Variants in SMARCC2 observed in about 807,000 individuals in gnomAD.
SMARCC2 encodes SWI/SNF related BAF chromatin remodeling complex subunit C2.
In SMARCC2, 15 loss-of-function variants were observed where a neutral mutation model predicts 151.3. That is an observed-to-expected ratio of 0.10 (90% CI 0.07 to 0.15). The LOEUF (loss-of-function observed/expected upper bound fraction) is 0.15, where lower values mean the gene tolerates loss of function less well. Among genes scored for constraint, SMARCC2 ranks in the 10% least tolerant of loss-of-function variants. SMARCC2 has a pLI of 1.00. For missense variants in SMARCC2, 1,031 were observed against 1,599.7 expected, an observed-to-expected ratio of 0.64 and a Z score of 6.06; for synonymous variants, 590 against 609.5, an observed-to-expected ratio of 0.97 and a Z score of 0.47.
chr12:56,163,819 G>GACCCAGACCACC (rs1872247933), intron 28 of SMARCC2, 54 bp from the exon 29 acceptor site: 2 of 1,204,328 alleles, frequency 1.7e-6, no homozygotes, highest in African/African-American at 3.2e-5. Flanking sequence ...GATGGCTCCA[G>GACCCAGACCACC]ACCCAGACCA....
At chr12:56,170,101 G>A (rs537188159) in intron 23 of SMARCC2, 43 bp downstream of exon 23, 21 of 1,550,348 alleles carry the variant, frequency 1.4e-5, no homozygotes, top group East Asian at 2.2e-5. Context: ...CATCACCACA[G>A]TGCTGCACGC....
In SMARCC2 at chr12:56,181,790, T is replaced by C. The variant is rs1334439261; in HGVS notation, c.754A>G (p.Met252Val). The C allele has an allele frequency of 1.2e-6, 2 of 1,614,162 alleles. No homozygotes were observed. Among genetic ancestry groups the C allele is most frequent in the Admixed American group, 1.7e-5 (1 of 60,020 alleles). ...ILDTDTFNEWMNEEDYEVNDD... is the reference protein window; with the variant it reads ...ILDTDTFNEWVNEEDYEVNDD... ...TTTACTTCATAGTCTTCCTCATTCA[T>C]CCATTCATTGAAGGTGTCGGTGTCC... The change falls in exon 9 of 29, where the codon ATG (methionine) becomes GTG (valine). Residue 252 changes from methionine (M) to valine (V), a missense_variant. This residue lies in a region of SMARCC2 where 123 missense variants were observed against 190.4 expected (regional missense o/e 0.65). Coordinates refer to ENST00000550164, the MANE Select transcript of SMARCC2 (RefSeq NM_001330288.2).
intron 11 of SMARCC2, among the ~76,000 whole-genome samples, chr12:56,179,831 C>A (rs962408263): frequency 6.6e-6 from 1 of 151,976 alleles, no homozygotes. Context: ...GGATTACAGG[C>A]GCCCACCACC....
intron 11 of SMARCC2, among the ~76,000 whole-genome samples, chr12:56,180,487 T>G (rs549747275): frequency 8.7e-5 from 13 of 149,432 alleles, no homozygotes; most frequent in African/African-American, 3.2e-4. Flanking sequence ...CCCTGCAACC[T>G]CTACCTCCCA....
intron 1 of SMARCC2, among the ~76,000 whole-genome samples, chr12:56,188,116 G>A (rs1375065578): frequency 6.6e-6 from 1 of 152,190 alleles, no homozygotes; most frequent in African/African-American, 2.4e-5. Context: ...GATCTGTGAA[G>A]GGAAAGGTAA....
At chr12:56,185,900 G>A (rs572913130) in intron 3 of SMARCC2, 58 of 507,286 alleles carry the variant, frequency 1.1e-4, no homozygotes, top group African/African-American at 1.1e-3. Flanking sequence ...ACTTCAAAGG[G>A]ACAAAAAAAG....
chr12:56,188,748 A>C (rs544292936), intron 1 of SMARCC2, among the ~76,000 whole-genome samples: 1 of 152,268 alleles, frequency 6.6e-6, no homozygotes, highest in African/African-American at 2.4e-5. Context: ...AGGAACTCCT[A>C]TACCCCGGCT....
At chr12:56,164,781 A>C (rs1233870244) in intron 27 of SMARCC2, 50 bp from the exon 28 acceptor site, 1 of 1,430,118 alleles carries the variant, frequency 7.0e-7, no homozygotes, top group African/African-American at 1.4e-5. Context: ...AATTTTGCTT[A>C]ACAACTCACC....
In SMARCC2 at chr12:56,164,611, G is replaced by A. The variant is rs1196853380; in HGVS notation, c.3353C>T (p.Pro1118Leu). Residue 1118 changes from proline (P) to leucine (L), a missense_variant, in exon 28 of 29, where the codon CCT becomes CTT. By Grantham distance (98) the Pro-to-Leu change is moderately conservative. Around this residue, in one of 12 missense-constraint regions of SMARCC2, gnomAD observed 310 missense variants for 350.0 expected, o/e 0.89. Transcript: ENST00000550164. ...APLGLPFGMPPPPPPPAPSII... is the reference protein window; with the variant it reads ...APLGLPFGMPLPPPPPAPSII... ...GGATGGAGCAGGAGGAGGAGGAGGA[G>A]GCGGCATGCCAAAAGGCAAACCCAA... 3 of 1,613,784 alleles carry A rather than the reference G, an allele frequency of 1.9e-6. No homozygotes were observed. The highest frequency in any genetic ancestry group is 2.5e-6 in the Non-Finnish European group (3 of 1,179,816).
At chr12:56,182,813 T>C (rs992603920) in intron 7 of SMARCC2, among the ~76,000 whole-genome samples, 1 of 145,232 alleles carries the variant, frequency 6.9e-6, no homozygotes, top group African/African-American at 2.6e-5. Flanking sequence ...TACATAATCA[T>C]AACCATACTA....
intron 15 of SMARCC2, among the ~76,000 whole-genome samples, chr12:56,176,874 T>C (rs1243564409): frequency 6.6e-6 from 1 of 151,614 alleles, no homozygotes; most frequent in Non-Finnish European, 1.5e-5. Context: ...CAGGCTGGAG[T>C]GCAATGGCGT....
intron 11 of SMARCC2, 81 bp downstream of exon 11, chr12:56,180,896 A>T: frequency 7.0e-7 from 1 of 1,433,296 alleles, no homozygotes; most frequent in Non-Finnish European, 9.5e-7. Context: ...GGACCTGAGA[A>T]ATCAGCTCAC....
At chr12:56,164,916 T>A (rs1474651507) in intron 27 of SMARCC2, among the ~76,000 whole-genome samples, 185 bp from the exon 28 acceptor site, 1 of 151,994 alleles carries the variant, frequency 6.6e-6, no homozygotes, top group African/African-American at 2.4e-5. Flanking sequence ...GCCTCCCGAG[T>A]AGCTGGTACT....
rs941137554 is a variant in SMARCC2, at chr12:56,173,741, A to G, written c.1605T>C (p.Ala535=). ...GAGGCACCAGCCCTGATGGTGTGTCAGCCAAGACATGGAAGTGAGAGGTAG... is the reference window on the plus strand; with the variant it reads ...GAGGCACCAGCCCTGATGGTGTGTCGGCCAAGACATGGAAGTGAGAGGTAG... ...PPPTSHFHVL[A]DTPSGLVPLQ... Residue 535 remains alanine, a synonymous_variant, in exon 17 of 29, where the codon GCT becomes GCC. Transcript: ENST00000550164. The G allele has an allele frequency of 6.2e-7, 1 of 1,613,990 alleles. No homozygotes were observed. The highest frequency in any genetic ancestry group is 1.7e-5 in the Admixed American group (1 of 59,996).
In SMARCC2 at chr12:56,172,762, G is replaced by C. The variant is rs1005728338; in HGVS notation, c.1744-58C>G. 5.0e-6 allele frequency: 8 copies of C among 1,607,228 alleles called. No homozygotes were observed. In the African/African-American group the frequency reaches 1.1e-4, roughly 22 times the overall value. ...AAGTGACCACCGGGAGCCAGGGGCT[G>C]ACAGAGAGAAAAAACAGACAGAAGG... On this transcript the variant is annotated intron_variant, in intron 18 of 28. Transcript: ENST00000550164.
At chr12:56,187,013 G>T in intron 2 of SMARCC2, 174 bp downstream of exon 2, 2 of 572,222 alleles carry the variant, frequency 3.5e-6, no homozygotes, top group East Asian at 6.3e-5. Context: ...AAAAAGAATG[G>T]TAAACTGGAG....
Position 56,181,148 on chromosome 12 carries a change from G to A in SMARCC2, c.957-47C>T, listed in dbSNP as rs1268492958. 14 of 1,580,052 alleles carry A rather than the reference G, an allele frequency of 8.9e-6. No homozygotes were observed. The Admixed American group carries it at 2.6e-4, about 29-fold the overall frequency. ...AGAGAACCCAGTCATCCTTGGACAA[G>A]GAGTCCCTGGAAGTTGAAGTTCAAG... On this transcript the variant is annotated intron_variant, in intron 10 of 28. Transcript: ENST00000550164.
At position 56,174,774 on chromosome 12, in the gene SMARCC2, A is replaced by G. The variant is rs757349805; in HGVS notation, c.1383-10T>C. 9.1e-6 allele frequency: 14 copies of G among 1,532,260 alleles called. No individual in the cohort carries two copies. The highest frequency in any genetic ancestry group is 3.4e-5 in the South Asian group (3 of 89,322). The allele number at this position is 1,532,260 out of a possible 1,614,324, so 94.9% of individuals were successfully genotyped here. On this transcript the variant is annotated splice_polypyrimidine_tract_variant and intron_variant, in intron 15 of 28. Coordinates refer to ENST00000550164, the MANE Select transcript of SMARCC2 (RefSeq NM_001330288.2). ...TCGATAGGCCAGGTAGCTTAGAAGA[A>G]AGAGAGAGAGAAACAAGAAGAAGAA...
intron 20 of SMARCC2, chr12:56,172,170 C>T (rs1874074084): frequency 1.8e-6 from 1 of 557,570 alleles, no homozygotes; most frequent in Non-Finnish European, 3.1e-6. Flanking sequence ...GAGCCTTGAC[C>T]TCCTAGGCTC....
Sources: gnomAD v4.1 joint callset for allele counts (sites outside exome capture counted in the v4.1 genomes callset) on GRCh38, gnomAD v4.1.1 for gene constraint, gnomAD v4.1.1 regional missense constraint, MANE v1.5 for transcripts, NCBI Gene and HGNC (gene_info 2026-07-23, HGNC 2026-07-21) for gene names.